DNAI3: variants seen among roughly 807,000 people sequenced by gnomAD.
DNAI3 encodes the protein dynein axonemal intermediate chain 3, also known as WD repeat domain 63.
DNAI3 carries 83 observed loss-of-function variants against 115.5 expected under a neutral mutation model. The ratio of observed to expected loss-of-function variants is 0.72; its 90% CI spans 0.60 to 0.86. The LOEUF is 0.86. Ranked by LOEUF, DNAI3 falls within the 40% of genes least tolerant of loss-of-function variation. The probability of loss-of-function intolerance (pLI) is 0.00; values close to 1 mark genes in which losing one functional copy is unlikely to be tolerated. For synonymous variants in DNAI3, 320 were observed against 347.0 expected, an observed-to-expected ratio of 0.92 and a Z score of 0.86; for missense variants, 1,004 against 1,075.8, an observed-to-expected ratio of 0.93 and a Z score of 0.93.
At chr1:85,095,010 T>C (rs1372384892) in intron 10 of DNAI3, among the ~76,000 whole-genome samples, 5 of 152,148 alleles carry the variant, frequency 3.3e-5, no homozygotes, top group African/African-American at 4.8e-5. Flanking sequence ...TGTTGCCAGG[T>C]GGTCCCATTG....
chr1:85,091,802 C>G (rs1272213911), intron 8 of DNAI3, among the ~76,000 whole-genome samples: 1 of 152,162 alleles, frequency 6.6e-6, no homozygotes, highest in African/African-American at 2.4e-5. Flanking sequence ...ATTTGTTACT[C>G]TCGGGAGCTA....
intron 3 of DNAI3, among the ~76,000 whole-genome samples, chr1:85,079,662 A>G (rs1654570223): frequency 6.6e-6 from 1 of 152,078 alleles, no homozygotes; most frequent in Non-Finnish European, 1.5e-5. Flanking sequence ...TATGAAGGAT[A>G]AAAAAACAGG....
At chr1:85,110,156 A>G (rs111275068) in intron 16 of DNAI3, 21 bp downstream of exon 16, 26 of 229,012 alleles carry the variant, frequency 1.1e-4, no homozygotes, top group Middle Eastern at 6.6e-4. Flanking sequence ...TTGCTTATTT[A>G]AAAAAAAAAA....
rs190954783 is a variant in DNAI3, at chr1:85,122,200, A to C, written c.1981+386A>C. The stretch of plus-strand genomic sequence containing the variant: ...AATTCAATAACCTGGTAGTTCATCT[A>C]TGTGGAAAATCTGAGTCAATGTGAG... On this transcript the variant is annotated intron_variant, in intron 18 of 22. Coordinates refer to ENST00000294664, the MANE Select transcript of DNAI3 (RefSeq NM_145172.5). Among the ~76,000 whole-genome samples the C allele has an allele frequency of 9.8e-5, 15 of 152,366 alleles. No homozygotes were observed. The East Asian group carries it at 2.9e-3, about 29-fold the overall frequency.
chr1:85,109,541 G>T (rs1655591515), intron 15 of DNAI3, among the ~76,000 whole-genome samples: 1 of 152,094 alleles, frequency 6.6e-6, no homozygotes, highest in Non-Finnish European at 1.5e-5. Context: ...AGCTGTGAGG[G>T]AAAACTGTGA....
rs750679331 is a variant in DNAI3, at chr1:85,095,997, G to T, written c.1240G>T (p.Ala414Ser). 1 of 1,613,754 alleles carries T rather than the reference G, an allele frequency of 6.2e-7. No homozygotes were observed. Among genetic ancestry groups the T allele is most frequent in the Non-Finnish European group, 8.5e-7 (1 of 1,179,824 alleles). The change falls in exon 11 of 23, where the codon GCT becomes TCT. Residue 414 changes from alanine to serine, a missense_variant. By Grantham distance (99) the Ala-to-Ser change is moderately conservative. Transcript: ENST00000294664. Reference protein sequence around the residue: ...KFCPSDPNIIAGGCINGQIVM... With the variant: ...KFCPSDPNIISGGCINGQIVM... ...CTGTCCGAGTGATCCTAATATCATT[G>T]CTGGAGGCTGTATCAATGGGCAGGT...
chr1:85,069,588 A>G (rs1654206076), intron 1 of DNAI3, among the ~76,000 whole-genome samples: 1 of 151,944 alleles, frequency 6.6e-6, no homozygotes, highest in African/African-American at 2.4e-5. Context: ...GTTTTTCACC[A>G]TGTTGGCCAG....
intron 11 of DNAI3, 31 bp downstream of exon 11, chr1:85,096,051 T>C: frequency 1.3e-6 from 2 of 1,592,634 alleles, no homozygotes; most frequent in Non-Finnish European, 1.7e-6. Context: ...CAGCTATGTA[T>C]TAATGTAGAC....
intron 1 of DNAI3, among the ~76,000 whole-genome samples, chr1:85,068,379 G>A (rs61769366): frequency 0.11 from 16,281 of 152,136 alleles, 1,128 homozygotes; most frequent in East Asian, 0.24. Context: ...TAAGCGATAT[G>A]TTCAAGTCAC....
At chr1:85,064,990 G>A (rs544339259) in intron 1 of DNAI3, among the ~76,000 whole-genome samples, 47 of 152,196 alleles carry the variant, frequency 3.1e-4, no homozygotes, top group Non-Finnish European at 5.1e-4. Flanking sequence ...CTGAGATTAC[G>A]CCATTGCACT....
chr1:85,133,043 TA>T lies in DNAI3; in HGVS notation c.*46del, dbSNP rs1261984099. ...GTTTTGGGGACTTCTTCCCTCTATT[TA>T]TTTTTATGTCAGGTGAACTGGCATG... On this transcript the variant is annotated 3_prime_UTR_variant, in exon 23 of 23. Transcript: ENST00000294664. The T allele has an allele frequency of 6.3e-7, 1 of 1,575,460 alleles. No homozygotes were observed. The highest frequency in any genetic ancestry group is 1.4e-5 in the African/African-American group (1 of 72,884).
intron 13 of DNAI3, among the ~76,000 whole-genome samples, chr1:85,103,339 T>C (rs928564920): frequency 1.3e-5 from 2 of 152,174 alleles, no homozygotes; most frequent in African/African-American, 4.8e-5. Flanking sequence ...AACCCTCCTG[T>C]GAATCCTCTG....
chr1:85,128,336 T>C (rs1656211351), intron 20 of DNAI3, among the ~76,000 whole-genome samples: 1 of 152,224 alleles, frequency 6.6e-6, no homozygotes, highest in Non-Finnish European at 1.5e-5. Context: ...ATGAACTTCA[T>C]AACTTTTCTT....
At chr1:85,074,976 C>A (rs1018424017) in intron 3 of DNAI3, among the ~76,000 whole-genome samples, 1 of 152,168 alleles carries the variant, frequency 6.6e-6, no homozygotes, top group African/African-American at 2.4e-5. Context: ...CCACAGCTAC[C>A]CTTCTTAGTT....
intron 8 of DNAI3, among the ~76,000 whole-genome samples, chr1:85,090,603 T>G (rs188095914): frequency 2.5e-3 from 379 of 152,346 alleles, no homozygotes; most frequent in Non-Finnish European, 4.5e-3. Flanking sequence ...TGGCCATTAT[T>G]ATGATGATAA....
intron 6 of DNAI3, 69 bp downstream of exon 6, chr1:85,084,764 T>G: frequency 7.7e-7 from 1 of 1,298,092 alleles, no homozygotes; most frequent in Non-Finnish European, 9.9e-7. Context: ...TCCTGAGGGA[T>G]TCATAAGGTT....
intron 8 of DNAI3, among the ~76,000 whole-genome samples, chr1:85,091,957 A>T (rs900259765): frequency 1.3e-5 from 2 of 152,348 alleles, no homozygotes; most frequent in South Asian, 4.1e-4. Context: ...TCTCTTGAGA[A>T]TTCCCTTCTC....
chr1:85,102,338 G>T (rs190692014), intron 13 of DNAI3, among the ~76,000 whole-genome samples: 1 of 151,686 alleles, frequency 6.6e-6, no homozygotes, highest in Non-Finnish European at 1.5e-5. Flanking sequence ...TATGTCCATC[G>T]GCTATGCATC....
intron 18 of DNAI3, among the ~76,000 whole-genome samples, chr1:85,122,303 G>C (rs990542996): frequency 1.2e-4 from 19 of 152,152 alleles, no homozygotes; most frequent in African/African-American, 4.6e-4. Flanking sequence ...CTCCTTTGGG[G>C]CTAGGACAGG....
Sources: gnomAD v4.1 joint callset for allele counts (sites outside exome capture counted in the v4.1 genomes callset) on GRCh38, gnomAD v4.1.1 for gene constraint, MANE v1.5 for transcripts, NCBI Gene and HGNC (gene_info 2026-07-23, HGNC 2026-07-21) for gene names.